SCAI: variants seen among roughly 807,000 people sequenced by gnomAD.
SCAI encodes the protein suppressor of cancer cell invasion.
SCAI carries 24 observed loss-of-function variants against 92.2 expected under a neutral mutation model. That is an observed-to-expected ratio of 0.26 (90% CI 0.19 to 0.37). SCAI has a LOEUF of 0.37. Ranked by LOEUF, SCAI falls within the 10% of genes least tolerant of loss-of-function variation. SCAI has a pLI of 1.00. For synonymous variants in SCAI, 261 were observed against 258.6 expected (o/e 1.01, Z -0.09); for missense variants, 450 against 736.2 (o/e 0.61, Z 4.50).
At chr9:124,992,692 T>C (rs377335805) in intron 14 of SCAI, among the ~76,000 whole-genome samples, 2 of 152,300 alleles carry the variant, frequency 1.3e-5, no homozygotes, top group East Asian at 3.9e-4. Context: ...GGCCTCCCTT[T>C]TCATTTCTGA....
intron 2 of SCAI, among the ~76,000 whole-genome samples, chr9:125,108,483 C>G (rs1421132188): frequency 6.6e-6 from 1 of 151,720 alleles, no homozygotes; most frequent in East Asian, 1.9e-4. Flanking sequence ...TCTGCCCCGC[C>G]GCCCCGTCTG....
intron 2 of SCAI, among the ~76,000 whole-genome samples, chr9:125,068,937 C>A (rs1229541598): frequency 6.6e-6 from 1 of 151,640 alleles, no homozygotes; most frequent in African/African-American, 2.4e-5. Context: ...AAAATTTGAC[C>A]AGGCGCGGTG....
intron 2 of SCAI, among the ~76,000 whole-genome samples, chr9:125,070,508 T>C (rs1181360534): frequency 6.6e-6 from 1 of 150,718 alleles, no homozygotes; most frequent in African/African-American, 2.4e-5. Flanking sequence ...CAAGCAATTC[T>C]CCTGCCTCAG....
chr9:125,020,874 C>G, intron 6 of SCAI, 105 bp from the exon 7 acceptor site: 1 of 543,754 alleles, frequency 1.8e-6, no homozygotes, highest in South Asian at 2.8e-5. Flanking sequence ...CTTTTCTGCA[C>G]AATTATAAAC....
chr9:125,049,270 G>C (rs1391755048), intron 3 of SCAI, among the ~76,000 whole-genome samples: 2 of 151,994 alleles, frequency 1.3e-5, no homozygotes, highest in African/African-American at 2.4e-5. Context: ...TTAGTGACTT[G>C]GAGGCCTCTG....
At chr9:124,981,223 T>C (rs78032752) in intron 14 of SCAI, among the ~76,000 whole-genome samples, 4,631 of 152,308 alleles carry the variant, frequency 0.03, 228 homozygotes, top group East Asian at 0.23. Flanking sequence ...TCTAACCACT[T>C]TGATGAATTT....
intron 2 of SCAI, among the ~76,000 whole-genome samples, chr9:125,063,018 CAA>C (rs71374223): frequency 9.6e-4 from 82 of 85,630 alleles, no homozygotes; most frequent in East Asian, 3.5e-3. Context: ...GACTCCGTCT[CAA>C]AAAAAAAAAA....
intron 2 of SCAI, among the ~76,000 whole-genome samples, chr9:125,139,317 G>A (rs1268449138): frequency 6.6e-6 from 1 of 152,130 alleles, no homozygotes; most frequent in Non-Finnish European, 1.5e-5. Flanking sequence ...GGAGGCTGAG[G>A]TGGGAAAATC....
chr9:125,074,478 G>A (rs1834047155), intron 2 of SCAI, among the ~76,000 whole-genome samples: 1 of 149,008 alleles, frequency 6.7e-6, no homozygotes, highest in Non-Finnish European at 1.5e-5. Flanking sequence ...AGCTGGTCTC[G>A]AACTCCTGAC....
At chr9:125,112,876 C>A (rs528942251) in intron 2 of SCAI, among the ~76,000 whole-genome samples, 1 of 152,286 alleles carries the variant, frequency 6.6e-6, no homozygotes, top group African/African-American at 2.4e-5. Context: ...GTCAAAGGGA[C>A]TTATCAGCCA....
intron 7 of SCAI, among the ~76,000 whole-genome samples, chr9:125,019,787 T>G (rs181629293): frequency 3.9e-5 from 6 of 152,108 alleles, no homozygotes; most frequent in Non-Finnish European, 2.9e-5. Context: ...AAAACTGGCA[T>G]GTTGAGCTGG....
chr9:124,959,615 A>G (rs577548728), intron 17 of SCAI, among the ~76,000 whole-genome samples: 1 of 151,624 alleles, frequency 6.6e-6, no homozygotes, highest in East Asian at 1.9e-4. Flanking sequence ...CACATGTGCC[A>G]TGTTGGTGTG....
intron 6 of SCAI, among the ~76,000 whole-genome samples, chr9:125,024,822 A>C (rs189149180): frequency 3.9e-5 from 6 of 152,292 alleles, no homozygotes; most frequent in Admixed American, 2.0e-4. Flanking sequence ...AGCTCCTAGG[A>C]GGAGTGGCTG....
chr9:125,139,898 G>T (rs1345215637), intron 2 of SCAI, among the ~76,000 whole-genome samples: 1 of 152,212 alleles, frequency 6.6e-6, no homozygotes, highest in Admixed American at 6.5e-5. Context: ...TTAAATGTAT[G>T]CAGCTTTTAA....
chr9:125,011,203 G>A (rs1832631792), intron 9 of SCAI, among the ~76,000 whole-genome samples: 2 of 152,240 alleles, frequency 1.3e-5, no homozygotes, highest in Non-Finnish European at 1.5e-5. Flanking sequence ...GACGAGTTGA[G>A]AGAAGAAGGC....
intron 2 of SCAI, among the ~76,000 whole-genome samples, chr9:125,115,332 A>G (rs1280481009): frequency 2.3e-5 from 3 of 131,390 alleles, no homozygotes; most frequent in African/African-American, 5.9e-5. Context: ...AGATCGCGCC[A>G]TTGCACTCCA....
intron 14 of SCAI, among the ~76,000 whole-genome samples, chr9:124,991,503 C>T (rs556082397): frequency 1.3e-5 from 2 of 151,502 alleles, no homozygotes; most frequent in East Asian, 3.9e-4. Flanking sequence ...AAAGAAAATA[C>T]TCCAGAAATA....
intron 17 of SCAI, among the ~76,000 whole-genome samples, chr9:124,956,883 A>C (rs548502404): frequency 6.6e-6 from 1 of 152,314 alleles, no homozygotes; most frequent in African/African-American, 2.4e-5. Context: ...TTTTTTGTTT[A>C]AGGATGGATG....
chr9:125,108,101 C>G (rs1293571551), intron 2 of SCAI, among the ~76,000 whole-genome samples: 2 of 152,262 alleles, frequency 1.3e-5, no homozygotes, highest in Admixed American at 6.5e-5. Context: ...CCCGAGGTGC[C>G]GGGATTGCAG....
Sources: gnomAD v4.1 joint callset for allele counts (sites outside exome capture counted in the v4.1 genomes callset) on GRCh38, gnomAD v4.1.1 for gene constraint, MANE v1.5 for transcripts, NCBI Gene and HGNC (gene_info 2026-07-23, HGNC 2026-07-21) for gene names.